Variants in PAX5 observed in about 807,000 individuals in gnomAD.
PAX5 encodes the protein paired box protein Pax-5.
PAX5 carries 9 observed loss-of-function variants against 43.7 expected under a neutral mutation model. That is an observed-to-expected ratio of 0.21 (90% CI 0.12 to 0.36). The LOEUF (loss-of-function observed/expected upper bound fraction) is 0.36, where lower values mean the gene tolerates loss of function less well. Ranked by LOEUF, PAX5 falls within the 10% of genes least tolerant of loss-of-function variation. The probability of loss-of-function intolerance (pLI) is 1.00; values close to 1 mark genes in which losing one functional copy is unlikely to be tolerated. For synonymous variants in PAX5, 228 were observed against 214.3 expected, an observed-to-expected ratio of 1.06 and a Z score of -0.56; for missense variants, 383 against 532.7, an observed-to-expected ratio of 0.72 and a Z score of 2.77.
chr9:36,909,352 G>A (rs1034993340), intron 7 of PAX5, among the ~76,000 whole-genome samples: 3 of 152,218 alleles, frequency 2.0e-5, no homozygotes, highest in Admixed American at 2.0e-4. Context: ...GGGATGAAAC[G>A]CTGTGTTGCT....
intron 8 of PAX5, among the ~76,000 whole-genome samples, chr9:36,849,517 T>C (rs1822936047): frequency 6.6e-6 from 1 of 152,210 alleles, no homozygotes; most frequent in Admixed American, 6.5e-5. Flanking sequence ...ATTTGTTGAA[T>C]GAATGAATGA....
rs1165026848 is a variant in PAX5 at position 36,839,941 on chromosome 9, C to T, written c.*619G>A. ...GCAGCACAACCAGCCCAGTGAGACT[C>T]CTCGTAAAGATACTAAAGAAGGAGG... On this transcript the variant is annotated 3_prime_UTR_variant, in exon 10 of 10. Transcript: ENST00000358127. 4.2e-6 allele frequency: 1 copy of T among 236,806 alleles called. No homozygotes were observed. Among genetic ancestry groups the T allele is most frequent in the Non-Finnish European group, 8.3e-6 (1 of 120,184 alleles). 14.7% of individuals were successfully genotyped at this position (236,806 alleles called of 1,614,324 possible). A position where few individuals can be genotyped will look rare whatever the true frequency, so the allele number is the denominator to read the frequency against.
intron 5 of PAX5, among the ~76,000 whole-genome samples, chr9:36,995,873 C>T (rs1480392806): frequency 6.6e-6 from 1 of 152,166 alleles, no homozygotes; most frequent in South Asian, 2.1e-4. Context: ...GCCTCCACCC[C>T]CCTGTGCTCC....
intron 8 of PAX5, among the ~76,000 whole-genome samples, chr9:36,876,360 A>G (rs1825911798): frequency 6.6e-6 from 1 of 152,274 alleles, no homozygotes; most frequent in South Asian, 2.1e-4. Context: ...CCAGGCCCAC[A>G]GGGACCCCAC....
rs566021346 is a variant in PAX5, at chr9:37,003,650, C to T, written c.476-874G>A. The stretch of plus-strand genomic sequence containing the variant: ...CTCAGGAGTTCAAGACCAGCCTGGC[C>T]AACATAGCAAGACCTACCAAAAAAC... On this transcript the variant is annotated intron_variant, in intron 4 of 9. Transcript: ENST00000358127. 1.8e-4 allele frequency among the ~76,000 whole-genome samples: 28 copies of T among 152,094 alleles called. 1 individual carries two copies.
At chr9:36,849,425 A>T (rs1288023538) in intron 8 of PAX5, among the ~76,000 whole-genome samples, 1 of 152,192 alleles carries the variant, frequency 6.6e-6, no homozygotes, top group African/African-American at 2.4e-5. Flanking sequence ...TGTAAGCTCC[A>T]TGGGGGCAGG....
chr9:36,853,144 C>G (rs1056792523), intron 8 of PAX5, among the ~76,000 whole-genome samples: 4 of 152,168 alleles, frequency 2.6e-5, no homozygotes, highest in African/African-American at 9.7e-5. Context: ...ATTTCATTTC[C>G]AAGTAAATGC....
At chr9:36,957,448 T>TA (rs1833587734) in intron 6 of PAX5, among the ~76,000 whole-genome samples, 1 of 152,170 alleles carries the variant, frequency 6.6e-6, no homozygotes, top group African/African-American at 2.4e-5. Context: ...CCCAAATCAA[T>TA]ACCTTGTCCA....
At position 36,994,043 on chromosome 9, in the gene PAX5, G is replaced by A. The variant is rs528612324; in HGVS notation, c.604+8605C>T. On this transcript the variant is annotated intron_variant, in intron 5 of 9. Coordinates refer to ENST00000358127, the MANE Select transcript of PAX5 (RefSeq NM_016734.3). Reference sequence around the variant, plus strand: ...GGGCTCTCGCTCACTGAATCAAAGTGAAACTTGGGGACCCAGGAGCGAGGA... The same window carrying A: ...GGGCTCTCGCTCACTGAATCAAAGTAAAACTTGGGGACCCAGGAGCGAGGA... 3.3e-5 allele frequency among the ~76,000 whole-genome samples: 5 copies of A among 152,292 alleles called. No individual in the cohort carries two copies. The East Asian group carries it at 9.7e-4, about 29-fold the overall frequency.
At chr9:36,894,552 A>G (rs1827685139) in intron 7 of PAX5, among the ~76,000 whole-genome samples, 1 of 151,880 alleles carries the variant, frequency 6.6e-6, no homozygotes, top group African/African-American at 2.4e-5. Context: ...CTGGCTCCAC[A>G]CTCACTGGCC....
intron 6 of PAX5, among the ~76,000 whole-genome samples, chr9:36,952,651 G>A (rs1039409260): frequency 2.0e-5 from 3 of 151,566 alleles, no homozygotes; most frequent in African/African-American, 7.3e-5. Flanking sequence ...CTTTTTTTAA[G>A]TATTAGTACT....
intron 6 of PAX5, among the ~76,000 whole-genome samples, chr9:36,925,782 G>A (rs1363361795): frequency 6.6e-6 from 1 of 152,160 alleles, no homozygotes; most frequent in Admixed American, 6.6e-5. Context: ...GGCCTGGGAT[G>A]CTCACGCAGA....
chr9:36,875,111 C>T (rs1051430062), intron 8 of PAX5, among the ~76,000 whole-genome samples: 1 of 152,174 alleles, frequency 6.6e-6, no homozygotes, highest in African/African-American at 2.4e-5. Flanking sequence ...AACCACCCAG[C>T]CTCCCACTGC....
chr9:36,952,289 G>A (rs974944526), intron 6 of PAX5, among the ~76,000 whole-genome samples: 1 of 140,658 alleles, frequency 7.1e-6, no homozygotes, highest in Non-Finnish European at 1.5e-5. Context: ...AGCCAGGCTG[G>A]AGCACAATGG....
intron 8 of PAX5, among the ~76,000 whole-genome samples, chr9:36,871,360 C>T (rs1269251256): frequency 6.6e-6 from 1 of 152,316 alleles, no homozygotes; most frequent in East Asian, 1.9e-4. Flanking sequence ...TTCAGCAAGG[C>T]CACTGTCCTC....
intron 5 of PAX5, among the ~76,000 whole-genome samples, chr9:36,981,164 C>A (rs546965473): frequency 7.3e-6 from 1 of 137,260 alleles, no homozygotes; most frequent in African/African-American, 2.7e-5. Context: ...ATCAGTAGGA[C>A]CACCCTCCAA....
In PAX5 at chr9:36,839,383, T is replaced by C. The variant is rs566066683; in HGVS notation, c.*1177A>G. 142 of 233,662 alleles carry C rather than the reference T, an allele frequency of 6.1e-4. No homozygotes were observed. Among genetic ancestry groups the C allele is most frequent in the African/African-American group, 3.0e-3 (137 of 45,496 alleles). 14.5% of individuals were successfully genotyped at this position (233,662 alleles called of 1,614,324 possible). A position where few individuals can be genotyped will look rare whatever the true frequency, so the allele number is the denominator to read the frequency against. On this transcript the variant is annotated 3_prime_UTR_variant, in exon 10 of 10. Transcript: ENST00000358127. ...ATCTGCCCCAGCCCCAGCACCTCCA[T>C]GCCCAGCTGCCTGCTAAGCTCCACG...
At chr9:36,894,858 C>T (rs746197270) in intron 7 of PAX5, among the ~76,000 whole-genome samples, 9 of 152,228 alleles carry the variant, frequency 5.9e-5, no homozygotes, top group Admixed American at 1.3e-4. Flanking sequence ...GATGGCTCCC[C>T]ACTGCTTACA....
Position 36,987,609 on chromosome 9 carries a change from C to T in PAX5, c.604+15039G>A, listed in dbSNP as rs370695867. Among the ~76,000 whole-genome samples the T allele has an allele frequency of 7.9e-5, 12 of 152,334 alleles. No individual in the cohort carries two copies. In the South Asian group the frequency reaches 2.3e-3, roughly 29 times the overall value. On this transcript the variant is annotated intron_variant, in intron 5 of 9. Coordinates refer to ENST00000358127, the MANE Select transcript of PAX5 (RefSeq NM_016734.3). Reference sequence around the variant, plus strand: ...CAAGCCCCGCCTTGAAGGCCTTGAACGAGATGGCTCAGGCACAGGCTCTGC... The same window carrying T: ...CAAGCCCCGCCTTGAAGGCCTTGAATGAGATGGCTCAGGCACAGGCTCTGC...
Sources: gnomAD v4.1 joint callset for allele counts (sites outside exome capture counted in the v4.1 genomes callset) on GRCh38, gnomAD v4.1.1 for gene constraint, MANE v1.5 for transcripts, NCBI Gene and HGNC (gene_info 2026-07-23, HGNC 2026-07-21) for gene names.